The following NPFFR2 variants were observed in gnomAD, a reference collection of about 807,000 sequenced individuals.
NPFFR2 encodes the protein neuropeptide FF receptor 2.
In NPFFR2, 15 loss-of-function variants were observed where a neutral mutation model predicts 13.1. That is an observed-to-expected ratio of 1.15 (90% CI 0.77 to 1.76). The LOEUF is 1.76. Among genes scored for constraint, NPFFR2 ranks in the 40% most tolerant of loss-of-function variants. The probability of loss-of-function intolerance (pLI) is 0.00; values close to 1 mark genes in which losing one functional copy is unlikely to be tolerated. For synonymous variants in NPFFR2, 190 were observed against 175.7 expected, an observed-to-expected ratio of 1.08 and a Z score of -0.65; for missense variants, 572 against 503.5, an observed-to-expected ratio of 1.14 and a Z score of -1.30.
chr4:72,032,007 G>A lies in NPFFR2; in HGVS notation c.-201G>A, dbSNP rs757021469. The A allele has an allele frequency of 1.2e-6, 2 of 1,613,778 alleles. No individual in the cohort carries two copies. The highest frequency in any genetic ancestry group is 1.7e-5 in the Admixed American group (1 of 60,006). ...GGGGAGGGAGCGCAGAGCACTCAGC[G>A]TCCAGCAGCGCGGCGGGCCAGCCTG... On this transcript the variant is annotated 5_prime_UTR_variant, in exon 1 of 4. Transcript: ENST00000308744.
Position 72,122,342 on chromosome 4 carries a change from G to A in NPFFR2, c.-7-6243G>A, listed in dbSNP as rs114550152. Among the ~76,000 whole-genome samples the A allele has an allele frequency of 9.7e-3, 1,468 of 152,064 alleles. 30 individuals carry two copies. Among genetic ancestry groups the A allele is most frequent in the African/African-American group, 0.034 (1,408 of 41,510 alleles). ...CCCCACTGTCAATATTAGACAGACT[G>A]ATGAGACAGAAGTTAACAAAAATAT... On this transcript the variant is annotated intron_variant, in intron 1 of 3. Coordinates refer to ENST00000308744, the MANE Select transcript of NPFFR2 (RefSeq NM_004885.3).
At chr4:72,079,577 T>C (rs1311763845) in intron 1 of NPFFR2, among the ~76,000 whole-genome samples, 1 of 152,176 alleles carries the variant, frequency 6.6e-6, no homozygotes, top group African/African-American at 2.4e-5. Context: ...GGAGGAAATC[T>C]TTGTGACCTT....
At chr4:72,145,369 A>G (rs1006276562) in intron 3 of NPFFR2, among the ~76,000 whole-genome samples, 1 of 150,754 alleles carries the variant, frequency 6.6e-6, no homozygotes, top group Non-Finnish European at 1.5e-5. Flanking sequence ...TTTGTTCATT[A>G]TTACTTTTAT....
intron 1 of NPFFR2, among the ~76,000 whole-genome samples, chr4:72,113,691 T>C (rs1721630180): frequency 6.6e-6 from 1 of 152,040 alleles, no homozygotes; most frequent in Non-Finnish European, 1.5e-5. Flanking sequence ...TTCTGAAATG[T>C]ACTAATAATT....
chr4:72,121,431 C>T (rs1331753363), intron 1 of NPFFR2, among the ~76,000 whole-genome samples: 2 of 152,000 alleles, frequency 1.3e-5, no homozygotes, highest in African/African-American at 4.8e-5. Context: ...AGAAGAGAAA[C>T]ACCAAGAAAC....
At chr4:72,098,403 C>T (rs1430500425) in intron 1 of NPFFR2, among the ~76,000 whole-genome samples, 5 of 152,036 alleles carry the variant, frequency 3.3e-5, no homozygotes, top group Non-Finnish European at 7.4e-5. Flanking sequence ...TGCATGTGGC[C>T]CAGGATAGCT....
At chr4:72,044,936 T>C (rs775855222) in intron 1 of NPFFR2, among the ~76,000 whole-genome samples, 2 of 152,142 alleles carry the variant, frequency 1.3e-5, no homozygotes, top group African/African-American at 2.4e-5. Context: ...TTTTGTTGCC[T>C]GTGTTGAGGT....
At chr4:72,132,441 T>C (rs1253785889) in intron 2 of NPFFR2, among the ~76,000 whole-genome samples, 1 of 152,196 alleles carries the variant, frequency 6.6e-6, no homozygotes, top group Admixed American at 6.5e-5. Flanking sequence ...CTATCGTGAA[T>C]AGTGCTGCAG....
intron 1 of NPFFR2, among the ~76,000 whole-genome samples, chr4:72,036,735 G>C (rs1432687967): frequency 6.6e-6 from 1 of 151,612 alleles, no homozygotes; most frequent in Admixed American, 6.6e-5. Context: ...AATCTTAAGT[G>C]TTGTCTTGGA....
rs911857750 is a variant in NPFFR2, at chr4:72,050,856, A to G, written c.-8+18656A>G. 7.3e-4 allele frequency among the ~76,000 whole-genome samples: 110 copies of G among 150,948 alleles called. 1 individual carries two copies. The highest frequency in any genetic ancestry group is 1.8e-4 in the Non-Finnish European group (12 of 67,842). Reference sequence around the variant, plus strand: ...TCAATTCCCACCTATGAGTGAGAATATGCGGTGTTTGGTTTTTGTTCTTGC... The same window carrying G: ...TCAATTCCCACCTATGAGTGAGAATGTGCGGTGTTTGGTTTTTGTTCTTGC... On this transcript the variant is annotated intron_variant, in intron 1 of 3. Coordinates refer to ENST00000308744, the MANE Select transcript of NPFFR2 (RefSeq NM_004885.3).
At chr4:72,061,618 A>T (rs974440158) in intron 1 of NPFFR2, among the ~76,000 whole-genome samples, 2 of 152,132 alleles carry the variant, frequency 1.3e-5, no homozygotes, top group African/African-American at 4.8e-5. Context: ...TGCCTGACAT[A>T]TGTATTTCTT....
At chr4:72,102,044 G>T (rs951611708) in intron 1 of NPFFR2, among the ~76,000 whole-genome samples, 2 of 151,978 alleles carry the variant, frequency 1.3e-5, no homozygotes, top group Admixed American at 1.3e-4. Context: ...TTGAAGATGT[G>T]ATTTTTGTTT....
At chr4:72,106,095 G>A (rs551532140) in intron 1 of NPFFR2, among the ~76,000 whole-genome samples, 2 of 152,160 alleles carry the variant, frequency 1.3e-5, no homozygotes, top group African/African-American at 4.8e-5. Flanking sequence ...GGAGGGGTCA[G>A]TGTGCTTGCC....
At chr4:72,099,391 A>G (rs1416370642) in intron 1 of NPFFR2, among the ~76,000 whole-genome samples, 2 of 152,154 alleles carry the variant, frequency 1.3e-5, no homozygotes, top group African/African-American at 2.4e-5. Flanking sequence ...TTGCATTGCT[A>G]TAAAGGAATA....
chr4:72,082,168 TC>T (rs1213775305), intron 1 of NPFFR2, among the ~76,000 whole-genome samples: 1 of 152,108 alleles, frequency 6.6e-6, no homozygotes, highest in Non-Finnish European at 1.5e-5. Context: ...CATCACAACT[TC>T]AAAAAGGATG....
chr4:72,035,973 CTGGAGGGTT>C (rs1272908380), intron 1 of NPFFR2, among the ~76,000 whole-genome samples: 1 of 152,056 alleles, frequency 6.6e-6, no homozygotes, highest in African/African-American at 2.4e-5. Flanking sequence ...TTTCAGAACT[CTGGAGGGTT>C]TACCAAACAG....
rs758998304 is a variant in NPFFR2 at position 72,128,604 on chromosome 4, T to C, written c.13T>C (p.Trp5Arg). Residue 5 changes from tryptophan to arginine, a missense_variant, in exon 2 of 4, where the codon TGG becomes CGG. Trp to Arg is a moderately radical substitution (Grantham distance 101). Transcript: ENST00000308744. ...ATTAAGGTTCATCATGAATGAGAAA[T>C]GGGACACAAACTCTTCAGAAAACTG... MNEK[W>R]DTNSSENWHP... The C allele has an allele frequency of 1.7e-5, 28 of 1,602,358 alleles. No homozygotes were observed. Among genetic ancestry groups the C allele is most frequent in the Non-Finnish European group, 2.3e-5 (27 of 1,172,194 alleles).
At chr4:72,124,010 A>C (rs1721966984) in intron 1 of NPFFR2, among the ~76,000 whole-genome samples, 1 of 152,194 alleles carries the variant, frequency 6.6e-6, no homozygotes, top group South Asian at 2.1e-4. Flanking sequence ...TATATTTAGA[A>C]AACCCCATCG....
At chr4:72,059,869 C>T (rs952063537) in intron 1 of NPFFR2, among the ~76,000 whole-genome samples, 2 of 152,046 alleles carry the variant, frequency 1.3e-5, no homozygotes, top group South Asian at 2.1e-4. Context: ...TAACTTGTGG[C>T]CCAGAATTAA....
Sources: allele counts gnomAD v4.1 joint callset (sites outside exome capture counted in the v4.1 genomes callset), GRCh38; gene constraint gnomAD v4.1.1; transcripts MANE v1.5; gene names NCBI Gene and HGNC (gene_info 2026-07-23, HGNC 2026-07-21).